The following C12orf54 variants were observed in gnomAD, a reference collection of about 807,000 sequenced individuals.
C12orf54 encodes the protein uncharacterized protein C12orf54.
C12orf54 carries 24 observed loss-of-function variants against 26.4 expected under a neutral mutation model. That is an observed-to-expected ratio of 0.91 (90% confidence interval 0.66 to 1.28). The LOEUF is 1.28. C12orf54 is among the 50% of genes most tolerant of loss of function. C12orf54 has a pLI of 0.00. For synonymous variants in C12orf54, 54 were observed against 47.0 expected (o/e 1.15, Z -0.61); for missense variants, 154 against 150.9 (o/e 1.02, Z -0.11).
At chr12:48,473,779 T>C in the C12orf54 span, among the ~76,000 whole-genome samples, 1 of 152,210 alleles carries the variant, frequency 6.6e-6, no homozygotes, top group Non-Finnish European at 1.5e-5. Context: ...TGGGTGGAAG[T>C]CCGCGGCTGG....
At chr12:48,433,352 C>T in the C12orf54 span, among the ~76,000 whole-genome samples, 2 of 151,984 alleles carry the variant, frequency 1.3e-5, no homozygotes, top group Admixed American at 6.6e-5. Context: ...ACTGCCTTAG[C>T]AGTGGGATCC....
At chr12:48,427,096 C>A in the C12orf54 span, among the ~76,000 whole-genome samples, 1 of 150,604 alleles carries the variant, frequency 6.6e-6, no homozygotes, top group African/African-American at 2.4e-5. Flanking sequence ...GATTGGTGGA[C>A]AGGTCTTCCA....
At chr12:48,442,745 T>C in the C12orf54 span, 2 of 159,516 alleles carry the variant, frequency 1.3e-5, no homozygotes, top group African/African-American at 4.8e-5. Context: ...ATGGCAGAGA[T>C]CCAAGAAGGA....
the C12orf54 span, among the ~76,000 whole-genome samples, chr12:48,431,659 A>G: frequency 6.6e-6 from 1 of 152,262 alleles, no homozygotes; most frequent in South Asian, 2.1e-4. Flanking sequence ...TTTTATAAAA[A>G]CCTTCGAGAA....
At chr12:48,425,128 T>C in the C12orf54 span, among the ~76,000 whole-genome samples, 3 of 152,064 alleles carry the variant, frequency 2.0e-5, no homozygotes. Flanking sequence ...AGGTTTGTTA[T>C]ATAGGTAAAC....
chr12:48,481,405 G>T (rs1466391742), upstream of C12orf54, among the ~76,000 whole-genome samples: 1 of 152,016 alleles, frequency 6.6e-6, no homozygotes, highest in Admixed American at 6.6e-5. Context: ...TGGCCCTGCT[G>T]GTCTCTTAGA....
At chr12:48,450,854 A>AAGGC in the C12orf54 span, among the ~76,000 whole-genome samples, 376 of 152,230 alleles carry the variant, frequency 2.5e-3, 1 homozygote, top group African/African-American at 8.4e-3. Flanking sequence ...CAACCATAAA[A>AAGGC]AGGCCAAGAC....
chr12:48,494,517 A>AT (rs1937868109), intron 7 of C12orf54, among the ~76,000 whole-genome samples: 1 of 152,158 alleles, frequency 6.6e-6, no homozygotes, highest in Non-Finnish European at 1.5e-5. Context: ...ATATTATTTA[A>AT]TTTTAATTTT....
At chr12:48,465,626 C>T in the C12orf54 span, among the ~76,000 whole-genome samples, 2 of 152,174 alleles carry the variant, frequency 1.3e-5, no homozygotes, top group East Asian at 3.9e-4. Flanking sequence ...ATGTTCATTG[C>T]ATCACTATTC....
the C12orf54 span, among the ~76,000 whole-genome samples, chr12:48,446,107 G>A: frequency 3.9e-5 from 6 of 152,200 alleles, no homozygotes; most frequent in Admixed American, 3.9e-4. Flanking sequence ...GGTGCACAAT[G>A]TATCCTGTTT....
At chr12:48,455,295 G>A in the C12orf54 span, among the ~76,000 whole-genome samples, 8 of 152,310 alleles carry the variant, frequency 5.3e-5, no homozygotes, top group South Asian at 1.0e-3. Context: ...TTTGATGGCA[G>A]CATAGTATTC....
chr12:48,432,522 A>T, the C12orf54 span, among the ~76,000 whole-genome samples: 3 of 149,958 alleles, frequency 2.0e-5, no homozygotes, highest in African/African-American at 4.9e-5. Context: ...TAACAGAAAG[A>T]TATCTATACT....
At chr12:48,492,883 G>A in intron 6 of C12orf54, 64 bp from the exon 7 acceptor site, 1 of 1,425,180 alleles carries the variant, frequency 7.0e-7, no homozygotes, top group South Asian at 1.2e-5. Context: ...GATGTGAGCT[G>A]GGCAGCTGGG....
chr12:48,469,477 T>C, the C12orf54 span, among the ~76,000 whole-genome samples: 1 of 152,232 alleles, frequency 6.6e-6, no homozygotes, highest in African/African-American at 2.4e-5. Flanking sequence ...AAATTGCTGT[T>C]ATCCTGTTCT....
chr12:48,492,649 T>C (rs775659151), intron 6 of C12orf54, among the ~76,000 whole-genome samples: 6 of 152,228 alleles, frequency 3.9e-5, no homozygotes, highest in Non-Finnish European at 8.8e-5. Context: ...AGAAGTGAAC[T>C]ACCAGGGACT....
chr12:48,464,156 A>G, the C12orf54 span, among the ~76,000 whole-genome samples: 1 of 152,164 alleles, frequency 6.6e-6, no homozygotes, highest in African/African-American at 2.4e-5. Context: ...TGCAGATGAC[A>G]TAATCCTATA....
the C12orf54 span, among the ~76,000 whole-genome samples, chr12:48,444,335 G>T: frequency 6.6e-6 from 1 of 152,180 alleles, no homozygotes; most frequent in Non-Finnish European, 1.5e-5. Flanking sequence ...ATCAAGAAAT[G>T]CAGACACAGA....
the C12orf54 span, among the ~76,000 whole-genome samples, chr12:48,466,413 C>T: frequency 3.9e-5 from 6 of 151,944 alleles, no homozygotes; most frequent in Non-Finnish European, 5.9e-5. Context: ...GGCATGGTGA[C>T]GTGCACCTGT....
chr12:48,447,835 GTT>G, the C12orf54 span, among the ~76,000 whole-genome samples: 2 of 152,190 alleles, frequency 1.3e-5, no homozygotes, highest in African/African-American at 2.4e-5. Flanking sequence ...AATCACATGA[GTT>G]TTTAAAAGCA....
Sources: gnomAD v4.1 joint callset for allele counts (sites outside exome capture counted in the v4.1 genomes callset) on GRCh38, gnomAD v4.1.1 for gene constraint, MANE v1.5 for transcripts, NCBI Gene and HGNC (gene_info 2026-07-23, HGNC 2026-07-21) for gene names.